LIN52: variants seen among roughly 807,000 people sequenced by gnomAD.
The protein encoded by LIN52 is lin-52 DREAM MuvB core complex component.
A neutral mutation model predicts 18.5 loss-of-function variants in LIN52; 4 were observed. That is an observed-to-expected ratio of 0.22 (90% CI 0.11 to 0.49). The LOEUF is 0.49. Among genes scored for constraint, LIN52 ranks in the 20% least tolerant of loss-of-function variants. LIN52 has a pLI of 0.97. For missense variants in LIN52, 102 were observed against 139.5 expected (o/e 0.73, Z 1.35); for synonymous variants, 34 against 45.5 (o/e 0.75, Z 1.02).
chr14:74,132,794 A>G (rs892001377), intron 5 of LIN52, among the ~76,000 whole-genome samples: 2 of 152,216 alleles, frequency 1.3e-5, no homozygotes, highest in Non-Finnish European at 2.9e-5. Flanking sequence ...GGCGTGAGCC[A>G]CCGCGCCCAG....
At chr14:74,159,620 T>A (rs2061215926) in intron 5 of LIN52, among the ~76,000 whole-genome samples, 1 of 149,638 alleles carries the variant, frequency 6.7e-6, no homozygotes, top group Non-Finnish European at 1.5e-5. Context: ...TCACCCAGGC[T>A]AGAAGCAGTG....
intron 5 of LIN52, among the ~76,000 whole-genome samples, chr14:74,143,409 C>T (rs2061140490): frequency 6.6e-6 from 1 of 152,096 alleles, no homozygotes; most frequent in South Asian, 2.1e-4. Flanking sequence ...TAAAATTAGC[C>T]AAGTGTGGCA....
At chr14:74,099,286 AAAC>A (rs1488517442) in intron 4 of LIN52, among the ~76,000 whole-genome samples, 2 of 152,060 alleles carry the variant, frequency 1.3e-5, no homozygotes, top group African/African-American at 4.8e-5. Context: ...GATTAAAAAA[AAAC>A]ACCTTTATTT....
chr14:74,176,657 T>G (rs1413836723), intron 5 of LIN52, among the ~76,000 whole-genome samples: 15 of 152,158 alleles, frequency 9.9e-5, no homozygotes, highest in Admixed American at 8.5e-4. Flanking sequence ...CCCTAGGAGA[T>G]AGGAATTTTT....
chr14:74,140,758 C>A (rs2061126019), intron 5 of LIN52, among the ~76,000 whole-genome samples: 1 of 152,180 alleles, frequency 6.6e-6, no homozygotes, highest in Admixed American at 6.5e-5. Context: ...TCACAAGCTG[C>A]CTTCCTTAGG....
intron 5 of LIN52, among the ~76,000 whole-genome samples, chr14:74,177,557 G>A (rs571718198): frequency 6.6e-6 from 1 of 152,306 alleles, no homozygotes; most frequent in East Asian, 1.9e-4. Context: ...TTTAGAAACT[G>A]TGACTTAGTA....
chr14:74,097,039 C>G (rs978937286), intron 3 of LIN52, among the ~76,000 whole-genome samples: 2 of 152,178 alleles, frequency 1.3e-5, no homozygotes, highest in African/African-American at 4.8e-5. Flanking sequence ...TTGTGAAATT[C>G]CAAGTGATGA....
At chr14:74,111,697 C>T (rs1216493703) in intron 5 of LIN52, among the ~76,000 whole-genome samples, 1 of 151,088 alleles carries the variant, frequency 6.6e-6, no homozygotes, top group Non-Finnish European at 1.5e-5. Context: ...CCTTATTAGG[C>T]CAATTAAGTC....
intron 4 of LIN52, among the ~76,000 whole-genome samples, chr14:74,098,142 CAT>C (rs1169221502): frequency 6.6e-6 from 1 of 152,062 alleles, no homozygotes; most frequent in East Asian, 1.9e-4. Context: ...ATAGCTCTAA[CAT>C]AAATTTTTTC....
chr14:74,132,348 T>G (rs1479909010), intron 5 of LIN52, among the ~76,000 whole-genome samples: 1 of 152,188 alleles, frequency 6.6e-6, no homozygotes, highest in East Asian at 1.9e-4. Flanking sequence ...ATAACCTTTA[T>G]TTCACAGTTC....
At chr14:74,120,437 G>A (rs1249689633) in intron 5 of LIN52, among the ~76,000 whole-genome samples, 1 of 151,550 alleles carries the variant, frequency 6.6e-6, no homozygotes, top group African/African-American at 2.4e-5. Flanking sequence ...TGACCAATAT[G>A]GTGAAACACT....
At chr14:74,119,319 C>T (rs1021369831) in intron 5 of LIN52, among the ~76,000 whole-genome samples, 3 of 151,536 alleles carry the variant, frequency 2.0e-5, no homozygotes, top group Non-Finnish European at 2.9e-5. Flanking sequence ...CCCCCCACCA[C>T]GCCCAGCTAA....
intron 5 of LIN52, among the ~76,000 whole-genome samples, chr14:74,122,332 G>A (rs2061004857): frequency 6.6e-6 from 1 of 152,146 alleles, no homozygotes; most frequent in Admixed American, 6.5e-5. Flanking sequence ...AACTATCATG[G>A]TGTCTGCAGC....
At chr14:74,186,419 T>C (rs1387956821) in intron 5 of LIN52, among the ~76,000 whole-genome samples, 1 of 152,090 alleles carries the variant, frequency 6.6e-6, no homozygotes, top group Non-Finnish European at 1.5e-5. Context: ...TTCTAATTGC[T>C]GGGGATACAG....
chr14:74,139,989 C>T (rs1237544856), intron 5 of LIN52, among the ~76,000 whole-genome samples: 8 of 151,998 alleles, frequency 5.3e-5, no homozygotes, highest in African/African-American at 1.9e-4. Flanking sequence ...AAAAAGCTAT[C>T]CCTTTTATAA....
intron 5 of LIN52, among the ~76,000 whole-genome samples, chr14:74,111,098 C>T (rs1452462609): frequency 6.6e-6 from 1 of 152,206 alleles, no homozygotes; most frequent in Non-Finnish European, 1.5e-5. Flanking sequence ...AGAAAAACTG[C>T]TTTCAAGAAG....
chr14:74,158,400 A>C (rs1463403439), intron 5 of LIN52, among the ~76,000 whole-genome samples: 2 of 152,104 alleles, frequency 1.3e-5, no homozygotes, highest in Non-Finnish European at 2.9e-5. Flanking sequence ...GGCGTGAGCC[A>C]CCGTGCGTGG....
At chr14:74,130,278 G>GTTTGTTTTTTTTTTTTT (rs1555382571) in intron 5 of LIN52, among the ~76,000 whole-genome samples, 38 of 64,824 alleles carry the variant, frequency 5.9e-4, no homozygotes, top group African/African-American at 2.2e-3. Flanking sequence ...GCATTTTTTG[G>GTTTGTTTTTTTTTTTTT]TTTTTTTTTT....
intron 5 of LIN52, among the ~76,000 whole-genome samples, chr14:74,170,850 G>A (rs1452132304): frequency 4.8e-5 from 7 of 145,974 alleles, no homozygotes; most frequent in African/African-American, 1.8e-4. Flanking sequence ...CAGAAGGAAA[G>A]GAGTTAGGTA....
Sources: gnomAD v4.1 joint callset for allele counts (sites outside exome capture counted in the v4.1 genomes callset) on GRCh38, gnomAD v4.1.1 for gene constraint, MANE v1.5 for transcripts, NCBI Gene and HGNC (gene_info 2026-07-23, HGNC 2026-07-21) for gene names.